RASSF6: variants seen among roughly 807,000 people sequenced by gnomAD.
RASSF6 encodes the protein Ras association domain family member 6.
Under a neutral mutation model 44.0 loss-of-function variants are expected in RASSF6, and 52 were observed. That is an observed-to-expected ratio of 1.18 (90% CI 0.95 to 1.49). RASSF6 has a LOEUF of 1.49. RASSF6 is among the 40% of genes most tolerant of loss of function. RASSF6 has a pLI of 0.00. For missense variants in RASSF6, 464 were observed against 393.3 expected (o/e 1.18, Z -1.52); for synonymous variants, 162 against 124.6 (o/e 1.30, Z -2.00).
At chr4:73,592,726 G>A (rs1262489166) in intron 4 of RASSF6, among the ~76,000 whole-genome samples, 1 of 152,176 alleles carries the variant, frequency 6.6e-6, no homozygotes, top group East Asian at 1.9e-4. Flanking sequence ...TTGGTAGAAA[G>A]CACAATGAGC....
intron 1 of RASSF6, among the ~76,000 whole-genome samples, chr4:73,617,400 C>A (rs997096996): frequency 6.6e-6 from 1 of 152,218 alleles, no homozygotes; most frequent in African/African-American, 2.4e-5. Context: ...CTTAAGGCAT[C>A]TTGCCACCAC....
intron 6 of RASSF6, among the ~76,000 whole-genome samples, chr4:73,583,096 T>C (rs1308629480): frequency 6.6e-6 from 1 of 152,134 alleles, no homozygotes; most frequent in African/African-American, 2.4e-5. Flanking sequence ...GTTGTTTATG[T>C]GAAGAAGCTT....
intron 8 of RASSF6, 70 bp downstream of exon 8, chr4:73,581,747 C>T: frequency 9.9e-7 from 1 of 1,006,788 alleles, no homozygotes; most frequent in Non-Finnish European, 1.5e-6. Flanking sequence ...AACTGTTCTT[C>T]TGCCTTCCCC....
intron 3 of RASSF6, among the ~76,000 whole-genome samples, chr4:73,596,479 C>T (rs907866718): frequency 1.3e-5 from 2 of 152,118 alleles, no homozygotes; most frequent in Non-Finnish European, 2.9e-5. Context: ...TCAGAGATGA[C>T]ACAAACAAAT....
chr4:73,610,247 A>G (rs1725916409), intron 2 of RASSF6, among the ~76,000 whole-genome samples: 1 of 152,132 alleles, frequency 6.6e-6, no homozygotes, highest in African/African-American at 2.4e-5. Context: ...GTTGGTCTTC[A>G]AACTATATCC....
rs1294053511 is a variant in RASSF6 at position 73,571,790 on chromosome 4, T to C, written c.*4445A>G. 6.6e-6 allele frequency: 1 copy of C among 152,002 alleles called. No homozygotes were observed. Among genetic ancestry groups the C allele is most frequent in the Non-Finnish European group, 1.5e-5 (1 of 67,974 alleles). The allele number at this position is 152,002 out of a possible 1,614,324, so 9.4% of individuals were successfully genotyped here. On this transcript the variant is annotated 3_prime_UTR_variant, in exon 11 of 11. Transcript: ENST00000307439. ...ACACATTCTTTACCATTAATAATAA[T>C]ATATATTATCTAAAATTTAATTTGA...
rs1470415857 is a variant in RASSF6 at position 73,613,127 on chromosome 4, T to C, written c.-34-1298A>G. Among the ~76,000 whole-genome samples, 5 of 152,316 alleles carry C rather than the reference T, an allele frequency of 3.3e-5. No homozygotes were observed. In the South Asian group the frequency reaches 8.3e-4, roughly 25 times the overall value. On this transcript the variant is annotated intron_variant, in intron 1 of 10. Coordinates refer to ENST00000307439, the MANE Select transcript of RASSF6 (RefSeq NM_177532.5). ...ACCTTGTATTGTCATTATTGATTTA[T>C]ACCTTACTTTCTTTTCTATTGCTAT...
chr4:73,620,277 C>G lies in RASSF6; in HGVS notation c.-35+11G>C. On this transcript the variant is annotated intron_variant, in intron 1 of 10. Coordinates refer to ENST00000307439, the MANE Select transcript of RASSF6 (RefSeq NM_177532.5). ...GATTAGAAAGTTTTTTTCCCCATCC[C>G]CATTTTTTACCTGTTATTCACACTG... The G allele has an allele frequency of 7.1e-7, 1 of 1,400,766 alleles. No individual in the cohort carries two copies. The highest frequency in any genetic ancestry group is 9.3e-7 in the Non-Finnish European group (1 of 1,080,312). The allele number at this position is 1,400,766 out of a possible 1,614,324, so 86.8% of individuals were successfully genotyped here. A position where few individuals can be genotyped will look rare whatever the true frequency, so the allele number is the denominator to read the frequency against.
In RASSF6 at chr4:73,582,183, G is replaced by A; in HGVS notation, c.669+6C>T. The A allele has an allele frequency of 1.5e-6, 2 of 1,368,140 alleles. No homozygotes were observed. The highest frequency in any genetic ancestry group is 2.1e-6 in the Non-Finnish European group (2 of 973,228). 84.8% of individuals were successfully genotyped at this position (1,368,140 alleles called of 1,614,324 possible). ...ATTTATAGCTCAGTTAAGTGATAAA[G>A]GTTACCTTAAATTTTTGGAGAAGTT... On this transcript the variant is annotated splice_donor_region_variant and intron_variant, in intron 7 of 10. Coordinates refer to ENST00000307439, the MANE Select transcript of RASSF6 (RefSeq NM_177532.5).
At chr4:73,586,016 C>T (rs1382063444) in intron 5 of RASSF6, among the ~76,000 whole-genome samples, 1 of 117,056 alleles carries the variant, frequency 8.5e-6, no homozygotes, top group Non-Finnish European at 1.7e-5. Flanking sequence ...GGCCCAAGTT[C>T]TTTGGAGCTT....
chr4:73,608,902 G>A (rs1284873165), intron 2 of RASSF6, among the ~76,000 whole-genome samples: 1 of 152,214 alleles, frequency 6.6e-6, no homozygotes, highest in Non-Finnish European at 1.5e-5. Flanking sequence ...CTGGCTCTTT[G>A]TGCTTAATTT....
intron 3 of RASSF6, among the ~76,000 whole-genome samples, chr4:73,596,315 A>C (rs1724940423): frequency 6.6e-6 from 1 of 152,330 alleles, no homozygotes; most frequent in South Asian, 2.1e-4. Flanking sequence ...TCGATGTGCA[A>C]AAGTTGCTAG....
chr4:73,576,960 G>A (rs2149361402), intron 8 of RASSF6, among the ~76,000 whole-genome samples: 1 of 152,232 alleles, frequency 6.6e-6, no homozygotes, highest in Middle Eastern at 3.4e-3. Flanking sequence ...GCCTTCCTTT[G>A]ATTAGAGTGT....
At chr4:73,596,372 C>A (rs535260681) in intron 3 of RASSF6, among the ~76,000 whole-genome samples, 182 of 152,030 alleles carry the variant, frequency 1.2e-3, no homozygotes, top group African/African-American at 4.1e-3. Flanking sequence ...AAATCCCAAA[C>A]AAACTCCCAC....
chr4:73,580,967 G>A (rs1723594096), intron 8 of RASSF6, among the ~76,000 whole-genome samples: 1 of 151,120 alleles, frequency 6.6e-6, no homozygotes, highest in African/African-American at 2.4e-5. Flanking sequence ...GTCCTGAATG[G>A]TAATGCCTAG....
In RASSF6 at chr4:73,613,454, C is replaced by T. The variant is rs147356580; in HGVS notation, c.-34-1625G>A. ...CCAGCTTCTCAAACTTGAGTTTTGCCCCTGGATTTTGTCATTCTAATAACC... is the reference window on the plus strand; with the variant it reads ...CCAGCTTCTCAAACTTGAGTTTTGCTCCTGGATTTTGTCATTCTAATAACC... On this transcript the variant is annotated intron_variant, in intron 1 of 10. Transcript: ENST00000307439. 4.3e-4 allele frequency among the ~76,000 whole-genome samples: 66 copies of T among 152,214 alleles called. 2 individuals carry two copies. Among genetic ancestry groups the T allele is most frequent in the African/African-American group, 1.5e-3 (61 of 41,532 alleles).
chr4:73,606,648 T>C (rs1468699066), intron 2 of RASSF6, among the ~76,000 whole-genome samples: 3 of 152,138 alleles, frequency 2.0e-5, no homozygotes, highest in Non-Finnish European at 4.4e-5. Context: ...AGTTTTTTTT[T>C]TTTTTTTAAA....
At chr4:73,616,307 GC>G (rs1201454642) in intron 1 of RASSF6, among the ~76,000 whole-genome samples, 26 of 151,782 alleles carry the variant, frequency 1.7e-4, no homozygotes, top group Non-Finnish European at 3.7e-4. Context: ...GTATTTCCCA[GC>G]CAAAGACAAT....
chr4:73,616,200 C>G (rs1726343893), intron 1 of RASSF6, among the ~76,000 whole-genome samples: 1 of 151,744 alleles, frequency 6.6e-6, no homozygotes, highest in Non-Finnish European at 1.5e-5. Flanking sequence ...TTACAAAGAA[C>G]TAATATATAT....
Sources: allele counts gnomAD v4.1 joint callset (sites outside exome capture counted in the v4.1 genomes callset), GRCh38; gene constraint gnomAD v4.1.1; transcripts MANE v1.5; gene names NCBI Gene and HGNC (gene_info 2026-07-23, HGNC 2026-07-21).